Variants in RIF1 observed in about 807,000 individuals in gnomAD.
The protein encoded by RIF1 is telomere-associated protein RIF1.
Under a neutral mutation model 247.1 loss-of-function variants are expected in RIF1, and 45 were observed. The ratio of observed to expected loss-of-function variants is 0.18; its 90% CI spans 0.14 to 0.23. The LOEUF (loss-of-function observed/expected upper bound fraction) is 0.23. Ranked by LOEUF, RIF1 falls within the 10% of genes least tolerant of loss-of-function variation. The pLI is 1.00. For synonymous variants in RIF1, 1,087 were observed against 978.8 expected, an observed-to-expected ratio of 1.11 and a Z score of -2.06; for missense variants, 2,967 against 2,862.5, an observed-to-expected ratio of 1.04 and a Z score of -0.83.
intron 10 of RIF1, among the ~76,000 whole-genome samples, chr2:151,433,929 T>C (rs954457805): frequency 1.3e-5 from 2 of 151,890 alleles, no homozygotes; most frequent in Admixed American, 6.6e-5. Flanking sequence ...CCTAGCACTT[T>C]GGGAGGCAGA....
Position 151,467,983 on chromosome 2 carries a change from C to T in RIF1, c.6601-17C>T. On this transcript the variant is annotated splice_polypyrimidine_tract_variant and intron_variant, in intron 30 of 35. Transcript: ENST00000444746. ...AACTTTAATTTTGTTAAGTAAAATC[C>T]TGACCTGTGTTTTCAGGTTCGCCGT... 1.3e-6 allele frequency: 2 copies of T among 1,585,096 alleles called. No individual in the cohort carries two copies. Among genetic ancestry groups the T allele is most frequent in the Non-Finnish European group, 8.6e-7 (1 of 1,169,224 alleles).
At chr2:151,442,154 C>A (rs1692418313) in intron 16 of RIF1, among the ~76,000 whole-genome samples, 163 bp downstream of exon 16, 1 of 151,384 alleles carries the variant, frequency 6.6e-6, no homozygotes, top group Admixed American at 6.6e-5. Context: ...CGGCTCACTG[C>A]AACCTCCGCC....
rs1423788008 is a variant in RIF1 at position 151,499,280 on chromosome 2, T to A, written c.*514-65T>A. ...ACATTTTTTTAAATAATTAAAGGGA[T>A]TTTTTATTTTTAAATACCGAACTAA... On this transcript the variant is annotated intron_variant and NMD_transcript_variant, in intron 10 of 13. Coordinates refer to the RIF1 transcript ENST00000454583. 2 of 1,284,720 alleles carry A rather than the reference T, an allele frequency of 1.6e-6. No individual in the cohort carries two copies. Among genetic ancestry groups the A allele is most frequent in the East Asian group, 5.2e-5 (2 of 38,714 alleles). 79.6% of individuals were successfully genotyped at this position (1,284,720 alleles called of 1,614,324 possible).
At chr2:151,442,509 A>G (rs1052307157) in intron 16 of RIF1, among the ~76,000 whole-genome samples, 2 of 151,942 alleles carry the variant, frequency 1.3e-5, no homozygotes, top group African/African-American at 2.4e-5. Context: ...ATATGCTGCT[A>G]TGTGAATGAA....
At chr2:151,522,801 C>T in the RIF1 span, among the ~76,000 whole-genome samples, 1 of 152,152 alleles carries the variant, frequency 6.6e-6, no homozygotes, top group African/African-American at 2.4e-5. Context: ...AGATGCAGCG[C>T]CGTGCCCTCT....
chr2:151,431,950 G>T (rs767577280), intron 9 of RIF1, among the ~76,000 whole-genome samples: 1 of 152,166 alleles, frequency 6.6e-6, no homozygotes, highest in Non-Finnish European at 1.5e-5. Context: ...AGACATTGTT[G>T]AGTGCCATTC....
chr2:151,513,766 G>A, the RIF1 span: 4 of 1,060,012 alleles, frequency 3.8e-6, no homozygotes, highest in East Asian at 5.2e-5. Context: ...CAGGGTGAAT[G>A]TAAATCCACA....
downstream of RIF1, among the ~76,000 whole-genome samples, chr2:151,485,179 T>C (rs1403783107): frequency 2.0e-5 from 3 of 152,242 alleles, no homozygotes; most frequent in Non-Finnish European, 4.4e-5. Flanking sequence ...TGAATGCAAG[T>C]ATAGATAGAA....
chr2:151,529,828 C>A, the RIF1 span, among the ~76,000 whole-genome samples: 1 of 152,176 alleles, frequency 6.6e-6, no homozygotes, highest in Non-Finnish European at 1.5e-5. Flanking sequence ...CTGTGCCCAG[C>A]CTGCCATATA....
At chr2:151,429,295 C>T (rs779312109) in intron 9 of RIF1, among the ~76,000 whole-genome samples, 1 of 152,128 alleles carries the variant, frequency 6.6e-6, no homozygotes, top group East Asian at 1.9e-4. Flanking sequence ...ATTCTCCTGC[C>T]TCAGCCTCCC....
intron 11 of RIF1, among the ~76,000 whole-genome samples, chr2:151,500,593 C>CTTTTTTTTTTTTTTTTTTTTTTTTTTT (rs11428843): frequency 8.4e-6 from 1 of 118,458 alleles, no homozygotes; most frequent in Non-Finnish European, 1.7e-5. Flanking sequence ...TTCTTTCTTC[C>CTTTTTTTTTTTTTTTTTTTTTTTTTTT]TTTTTTTTTT....
intron 20 of RIF1, 67 bp downstream of exon 20, chr2:151,446,642 T>C (rs1433095150): frequency 5.3e-6 from 8 of 1,503,816 alleles, no homozygotes; most frequent in Non-Finnish European, 7.3e-6. Context: ...TAAATGGAGA[T>C]AATATTTGTG....
At chr2:151,525,299 T>G in the RIF1 span, 2 of 1,499,816 alleles carry the variant, frequency 1.3e-6, no homozygotes, top group East Asian at 2.3e-5. Flanking sequence ...ATTACTTTTA[T>G]GAGTAGAGGA....
rs1337432044 is a variant in RIF1, at chr2:151,465,562, G to A, written c.6042G>A (p.Thr2014=). The A allele has an allele frequency of 1.4e-5, 22 of 1,613,800 alleles. No individual in the cohort carries two copies. The highest frequency in any genetic ancestry group is 2.2e-5 in the East Asian group (1 of 44,874). The change falls in exon 30 of 36, where the codon ACG becomes ACA. Residue 2014 remains threonine (T), a synonymous_variant. Transcript: ENST00000444746. ...DVSDLHSSEE[T]NTKMKNNEEM... is the part of the protein sequence containing the mutation. ...CTGATCTACACTCATCTGAAGAAAC[G>A]AATACCAAAATGAAAAATAATGAAG...
In RIF1 at chr2:151,432,975, A is replaced by G. The variant is rs892511660; in HGVS notation, c.926-102A>G. On this transcript the variant is annotated intron_variant, in intron 9 of 35. Coordinates refer to ENST00000444746, the MANE Select transcript of RIF1 (RefSeq NM_018151.5). ...GATTTATTTTTTTAAAAAAATTTTAAAATACGTTCTCTTGCTGTGATAAAA... is the reference window on the plus strand; with the variant it reads ...GATTTATTTTTTTAAAAAAATTTTAGAATACGTTCTCTTGCTGTGATAAAA... The G allele has an allele frequency of 3.4e-6, 3 of 895,416 alleles. No homozygotes were observed. In the African/African-American group the frequency reaches 5.0e-5, roughly 15 times the overall value. The allele number at this position is 895,416 out of a possible 1,614,324, so 55.5% of individuals were successfully genotyped here.
chr2:151,508,930 A>AT (rs1354830901), downstream of RIF1, among the ~76,000 whole-genome samples: 1 of 152,074 alleles, frequency 6.6e-6, no homozygotes, highest in Non-Finnish European at 1.5e-5. Flanking sequence ...TTAGAGCCTT[A>AT]TTTTTCTTTC....
the RIF1 span, chr2:151,530,605 A>C: frequency 6.1e-6 from 1 of 163,442 alleles, no homozygotes; most frequent in Non-Finnish European, 1.3e-5. Context: ...AAAAATCAGT[A>C]CCTCAGGATA....
rs1573999400 is a variant in RIF1 at position 151,439,909 on chromosome 2, G to A, written c.1547-118G>A. 4 of 541,804 alleles carry A rather than the reference G, an allele frequency of 7.4e-6. No homozygotes were observed. The East Asian group carries it at 1.3e-4, about 17-fold the overall frequency. 33.6% of individuals were successfully genotyped at this position (541,804 alleles called of 1,614,324 possible). A position where few individuals can be genotyped will look rare whatever the true frequency, so the allele number is the denominator to read the frequency against. ...AATCGCTTGAACCCAGGAAGTGGTG[G>A]TTGCAGTGAGCCAAGGTTGTGCCCC... On this transcript the variant is annotated intron_variant, in intron 14 of 35. Transcript: ENST00000444746.
intron 12 of RIF1, chr2:151,506,173 A>G: frequency 6.2e-7 from 1 of 1,610,288 alleles, no homozygotes. Flanking sequence ...TACCGAGCTA[A>G]TGTGGTCCTG....
Sources: gnomAD v4.1 joint callset for allele counts (sites outside exome capture counted in the v4.1 genomes callset) on GRCh38, gnomAD v4.1.1 for gene constraint, MANE v1.5 for transcripts, NCBI Gene and HGNC (gene_info 2026-07-23, HGNC 2026-07-21) for gene names.